The following TACC1 variants were observed in gnomAD, a reference collection of about 807,000 sequenced individuals.
The protein encoded by TACC1 is transforming acidic coiled-coil-containing protein 1.
TACC1 carries 48 observed loss-of-function variants against 84.4 expected under a neutral mutation model. The observed-to-expected ratio is 0.57, with a 90% confidence interval of 0.45 to 0.72. The LOEUF is 0.72. TACC1 is among the 30% of genes least tolerant of loss of function. The pLI is 0.00. For synonymous variants in TACC1, 372 were observed against 376.3 expected (o/e 0.99, Z 0.13); for missense variants, 920 against 973.0 (o/e 0.95, Z 0.72).
chr8:38,844,437 G>A (rs1280829002), intron 11 of TACC1, among the ~76,000 whole-genome samples: 1 of 152,162 alleles, frequency 6.6e-6, no homozygotes, highest in Non-Finnish European at 1.5e-5. Flanking sequence ...GCTTCCCAAA[G>A]TGCTGGGATT....
Position 38,825,355 on chromosome 8 carries a change from A to G in TACC1, c.1439A>G (p.Asp480Gly). 1 of 1,614,032 alleles carries G rather than the reference A, an allele frequency of 6.2e-7. No homozygotes were observed. Among genetic ancestry groups the G allele is most frequent in the Non-Finnish European group, 8.5e-7 (1 of 1,179,992 alleles). The change falls in exon 4 of 13, where the codon GAT (aspartate) becomes GGT (glycine). Residue 480 changes from aspartate (D) to glycine (G), a missense_variant. Around this residue, in one of 2 missense-constraint regions of TACC1, gnomAD observed 762 missense variants for 747.3 expected, o/e 1.02. Coordinates refer to ENST00000317827, the MANE Select transcript of TACC1 (RefSeq NM_006283.3). ...KKHETQSLALDACSRDEGAVI... is the reference protein window; with the variant it reads ...KKHETQSLALGACSRDEGAVI... ...CATGAAACTCAGTCTCTCGCCCTGG[A>G]TGCATGTTCTCGGGTGAGTCTGTGC...
chr8:38,790,960 C>G (rs1297845581), intron 2 of TACC1, among the ~76,000 whole-genome samples: 1 of 152,174 alleles, frequency 6.6e-6, no homozygotes, highest in African/African-American at 2.4e-5. Flanking sequence ...CTTCCCTTTT[C>G]TTCCGTAAAG....
At chr8:38,769,011 C>T (rs1263373756) in intron 3 of TACC1, among the ~76,000 whole-genome samples, 2 of 126,614 alleles carry the variant, frequency 1.6e-5, no homozygotes, top group African/African-American at 6.2e-5. Context: ...CTGCGTGGTG[C>T]GTGGATATGA....
Position 38,831,138 on chromosome 8 carries a change from G to A in TACC1, c.1674G>A (p.Glu558=), listed in dbSNP as rs371010741. ...FSSSEAGIEK[E]TCQKMEEDGS... is the part of the protein sequence containing the mutation. ...TTTCTGTCTTAGGCATAGAGAAGGA[G>A]ACGTGCCAGAAGATGGAAGAAGACG... The change falls in exon 6 of 13, where the codon GAG becomes GAA. Residue 558 remains glutamate (E), a synonymous_variant. Transcript: ENST00000317827. The A allele has an allele frequency of 6.2e-7, 1 of 1,614,218 alleles. No homozygotes were observed. The highest frequency in any genetic ancestry group is 8.5e-7 in the Non-Finnish European group (1 of 1,180,024).
intron 5 of TACC1, among the ~76,000 whole-genome samples, chr8:38,828,543 G>A (rs1359350896): frequency 1.3e-5 from 2 of 152,186 alleles, no homozygotes; most frequent in Non-Finnish European, 2.9e-5. Flanking sequence ...ATAAACCAGG[G>A]GAACTTAGCA....
intron 2 of TACC1, among the ~76,000 whole-genome samples, chr8:38,803,068 A>T (rs539445920): frequency 6.6e-6 from 1 of 151,956 alleles, no homozygotes; most frequent in Non-Finnish European, 1.5e-5. Flanking sequence ...TGTTTTCTTA[A>T]TTTTTTTTGG....
At chr8:38,787,803 C>A in intron 1 of TACC1, 60 bp downstream of exon 1, 2 of 1,416,078 alleles carry the variant, frequency 1.4e-6, no homozygotes, top group Non-Finnish European at 1.9e-6. Flanking sequence ...ATCTGCGACT[C>A]CCTCTGTGTG....
upstream of TACC1, chr8:38,787,138 GC>G (rs1817359423): frequency 1.0e-6 from 1 of 983,976 alleles, no homozygotes; most frequent in African/African-American, 1.7e-5. Flanking sequence ...CGCCGCCGCC[GC>G]CCCCGCGCGC....
At chr8:38,729,455 T>C (rs1218490502) in intron 1 of TACC1, among the ~76,000 whole-genome samples, 1 of 152,238 alleles carries the variant, frequency 6.6e-6, no homozygotes, top group African/African-American at 2.4e-5. Context: ...TGGCAATACA[T>C]GTGCTGACAC....
intron 1 of TACC1, among the ~76,000 whole-genome samples, chr8:38,741,752 A>T (rs1018496564): frequency 2.6e-5 from 4 of 152,226 alleles, no homozygotes; most frequent in Non-Finnish European, 5.9e-5. Context: ...CTACAAAATT[A>T]GATGAGACCC....
At chr8:38,776,918 G>A (rs992356872) in intron 3 of TACC1, among the ~76,000 whole-genome samples, 3 of 152,150 alleles carry the variant, frequency 2.0e-5, no homozygotes, top group African/African-American at 4.8e-5. Context: ...GTGGAGATGA[G>A]GCTGCTGTTA....
At chr8:38,826,919 G>GCTTATAAA (rs1339873959) in intron 4 of TACC1, among the ~76,000 whole-genome samples, 2 of 152,162 alleles carry the variant, frequency 1.3e-5, no homozygotes, top group Non-Finnish European at 2.9e-5. Context: ...GAAACTGCTT[G>GCTTATAAA]CTTATAAACT....
intron 3 of TACC1, among the ~76,000 whole-genome samples, chr8:38,772,025 A>AAG (rs35335324): frequency 0.059 from 8,745 of 148,532 alleles, 426 homozygotes; most frequent in African/African-American, 0.14. Flanking sequence ...AAGAAAGAAA[A>AAG]AGAGAGAGAG....
At chr8:38,831,440 GATA>G (rs1188658515) in intron 6 of TACC1, among the ~76,000 whole-genome samples, 1 of 152,148 alleles carries the variant, frequency 6.6e-6, no homozygotes, top group South Asian at 2.1e-4. Flanking sequence ...ATGTTGAGAT[GATA>G]ATATTTTGGA....
chr8:38,741,892 T>TAA (rs889087309), intron 1 of TACC1, among the ~76,000 whole-genome samples: 17 of 151,850 alleles, frequency 1.1e-4, no homozygotes, highest in African/African-American at 4.1e-4. Flanking sequence ...ATAGCCTGTT[T>TAA]AAAAAAAAAT....
Position 38,842,414 on chromosome 8 carries a change from G to A in TACC1, c.2088G>A (p.Glu696=), listed in dbSNP as rs1483759997. Residue 696 remains glutamate (E), a synonymous_variant, in exon 10 of 13, where the codon GAG becomes GAA. Transcript: ENST00000317827. ...RSLSDLFRRY[E]NLKGVLEGFK... is the part of the protein sequence containing the mutation. ...TTTCTGATCTCTTCAGGAGATATGAGAACCTGAAAGGTGTTCTGGAAGGGT... is the reference window on the plus strand; with the variant it reads ...TTTCTGATCTCTTCAGGAGATATGAAAACCTGAAAGGTGTTCTGGAAGGGT... 6.2e-7 allele frequency: 1 copy of A among 1,613,606 alleles called. No individual in the cohort carries two copies.
At chr8:38,739,106 G>T (rs1806573544) in intron 1 of TACC1, among the ~76,000 whole-genome samples, 1 of 152,134 alleles carries the variant, frequency 6.6e-6, no homozygotes, top group African/African-American at 2.4e-5. Context: ...GACCAGGCTG[G>T]TCTCCAACTC....
chr8:38,801,777 G>A (rs1270400993), intron 2 of TACC1, among the ~76,000 whole-genome samples: 1 of 152,132 alleles, frequency 6.6e-6, no homozygotes, highest in Admixed American at 6.5e-5. Flanking sequence ...ATTTTGATAT[G>A]GATTGTATTC....
intron 5 of TACC1, among the ~76,000 whole-genome samples, chr8:38,830,447 G>C (rs570738028): frequency 6.0e-4 from 92 of 152,234 alleles, no homozygotes; most frequent in African/African-American, 2.2e-3. Flanking sequence ...GCTAATTTTT[G>C]TATTTTTAGT....
Sources: gnomAD v4.1 joint callset for allele counts (sites outside exome capture counted in the v4.1 genomes callset) on GRCh38, gnomAD v4.1.1 for gene constraint, gnomAD v4.1.1 regional missense constraint, MANE v1.5 for transcripts, NCBI Gene and HGNC (gene_info 2026-07-23, HGNC 2026-07-21) for gene names.